Variants in KIF5C observed in about 807,000 individuals in gnomAD.
The protein encoded by KIF5C is kinesin family member 5C, also known as kinesin heavy chain isoform 5C.
A neutral mutation model predicts 125.2 loss-of-function variants in KIF5C; 18 were observed. The observed-to-expected ratio is 0.14, with a 90% CI of 0.10 to 0.21. The LOEUF is 0.21. Among genes scored for constraint, KIF5C ranks in the 10% least tolerant of loss-of-function variants. KIF5C has a pLI of 1.00. For synonymous variants in KIF5C, 405 were observed against 434.0 expected, an observed-to-expected ratio of 0.93 and a Z score of 0.83; for missense variants, 780 against 1,183.8, an observed-to-expected ratio of 0.66 and a Z score of 5.01.
chr2:148,926,272 G>C (rs534159100), intron 2 of KIF5C, among the ~76,000 whole-genome samples: 1 of 152,328 alleles, frequency 6.6e-6, no homozygotes, highest in Non-Finnish European at 1.5e-5. Context: ...CTGGGCACCT[G>C]CAGTGGAAGC....
chr2:148,875,528 G>T lies in KIF5C; in HGVS notation c.-90G>T. 8.9e-7 allele frequency: 1 copy of T among 1,119,574 alleles called. No homozygotes were observed. 69.4% of individuals were successfully genotyped at this position (1,119,574 alleles called of 1,614,324 possible). On this transcript the variant is annotated 5_prime_UTR_variant, in exon 1 of 26. Transcript: ENST00000435030. ...GGAGGCTGCAGGAGGCGGCCTAGCT[G>T]TGGGCGGTGCAGCTCGCGGCCTCCT... is the stretch of plus-strand genomic sequence containing the variant.
chr2:149,017,521 A>C (rs1682399669), intron 25 of KIF5C, among the ~76,000 whole-genome samples: 1 of 152,182 alleles, frequency 6.6e-6, no homozygotes, highest in African/African-American at 2.4e-5. Flanking sequence ...CTGGAGATCC[A>C]CTTCCTTTCC....
At chr2:148,904,065 C>A (rs116331598) in intron 1 of KIF5C, among the ~76,000 whole-genome samples, 2,043 of 152,246 alleles carry the variant, frequency 0.013, 25 homozygotes, top group Middle Eastern at 0.048. Context: ...AAGACTTGAA[C>A]CTTCTTAGCA....
chr2:148,907,596 G>A (rs1681163215), intron 1 of KIF5C, among the ~76,000 whole-genome samples: 1 of 152,208 alleles, frequency 6.6e-6, no homozygotes, highest in Non-Finnish European at 1.5e-5. Context: ...GGAAGAAAAG[G>A]GAAGTCATTT....
chr2:149,005,884 C>T (rs1389499190), intron 22 of KIF5C, among the ~76,000 whole-genome samples: 4 of 152,178 alleles, frequency 2.6e-5, no homozygotes, highest in East Asian at 1.9e-4. Flanking sequence ...TTATAAAGCA[C>T]GTCAACATCC....
At chr2:148,906,007 A>AC (rs1279685437) in intron 1 of KIF5C, among the ~76,000 whole-genome samples, 1 of 152,076 alleles carries the variant, frequency 6.6e-6, no homozygotes, top group African/African-American at 2.4e-5. Flanking sequence ...CCCACAGGGT[A>AC]CCCCCATGAC....
chr2:148,979,126 C>T (rs1681162235), intron 13 of KIF5C, 136 bp downstream of exon 13: 2 of 1,135,178 alleles, frequency 1.8e-6, no homozygotes, highest in African/African-American at 3.2e-5. Context: ...TGGTAGATGT[C>T]CCTTCACTGC....
chr2:148,972,167 G>A (rs1315119909), intron 11 of KIF5C, among the ~76,000 whole-genome samples: 1 of 152,140 alleles, frequency 6.6e-6, no homozygotes, highest in South Asian at 2.1e-4. Flanking sequence ...TAGCCAGGCT[G>A]GTCTCGAATT....
intron 15 of KIF5C, among the ~76,000 whole-genome samples, chr2:148,986,028 G>A (rs1468025951): frequency 2.0e-5 from 3 of 152,152 alleles, no homozygotes; most frequent in African/African-American, 7.2e-5. Flanking sequence ...TTGGTGTTGA[G>A]CAATAAAATT....
chr2:148,976,227 G>T (rs565153043), intron 12 of KIF5C, among the ~76,000 whole-genome samples: 3 of 147,564 alleles, frequency 2.0e-5, no homozygotes, highest in African/African-American at 7.6e-5. Flanking sequence ...CATTTATAAG[G>T]GTGTGCATAT....
chr2:148,983,744 T>C lies in KIF5C; in HGVS notation c.1694T>C (p.Ile565Thr), dbSNP rs1354099219. Residue 565 changes from isoleucine to threonine, a missense_variant, in exon 15 of 26, where the codon ATT becomes ACT. This residue lies in a region of KIF5C where 573 missense variants were observed against 742.6 expected (regional missense o/e 0.77). Transcript: ENST00000435030. Reference protein sequence around the residue: ...LKDLGEIGGIIGTNDVKTLAD... With the variant: ...LKDLGEIGGITGTNDVKTLAD... ...GATCTGGGGGAGATAGGTGGAATTA[T>C]TGGCACCAATGATGTGAAAACTGTA... The C allele has an allele frequency of 1.9e-6, 3 of 1,609,174 alleles. No homozygotes were observed. In the African/African-American group the frequency reaches 4.0e-5, roughly 22 times the overall value.
intron 11 of KIF5C, among the ~76,000 whole-genome samples, chr2:148,966,259 T>G (rs1683046441): frequency 6.6e-6 from 1 of 152,138 alleles, no homozygotes; most frequent in Non-Finnish European, 1.5e-5. Flanking sequence ...ATTTCTTTCT[T>G]TGCATGGTAT....
chr2:148,963,639 A>C (rs1366295940), intron 11 of KIF5C, among the ~76,000 whole-genome samples: 1 of 152,178 alleles, frequency 6.6e-6, no homozygotes, highest in East Asian at 1.9e-4. Context: ...AGTCGGGAGC[A>C]GTAGTTGGCA....
intron 3 of KIF5C, among the ~76,000 whole-genome samples, chr2:148,933,448 AC>A (rs1293081730): frequency 3.6e-4 from 53 of 147,714 alleles, no homozygotes; most frequent in African/African-American, 4.8e-4. Context: ...ACCACATTCC[AC>A]CCCCCCCACA....
chr2:148,943,540 G>A (rs1424997226), intron 7 of KIF5C, among the ~76,000 whole-genome samples: 1 of 152,114 alleles, frequency 6.6e-6, no homozygotes. Flanking sequence ...ATATCTTACC[G>A]TGTTGAAGGT....
At chr2:148,970,932 G>A (rs556699805) in intron 11 of KIF5C, among the ~76,000 whole-genome samples, 1 of 152,278 alleles carries the variant, frequency 6.6e-6, no homozygotes, top group South Asian at 2.1e-4. Flanking sequence ...GAGTGAGTTG[G>A]CCTGTGGATA....
chr2:148,909,245 G>A (rs1012257891), intron 1 of KIF5C, among the ~76,000 whole-genome samples: 9 of 152,092 alleles, frequency 5.9e-5, no homozygotes, highest in South Asian at 2.1e-4. Flanking sequence ...AGCAGACCAC[G>A]TGCTTCCCAG....
At chr2:148,941,718 A>C in intron 5 of KIF5C, 60 bp downstream of exon 5, 1 of 1,539,604 alleles carries the variant, frequency 6.5e-7, no homozygotes, top group South Asian at 1.2e-5. Context: ...GGGAGGTTGA[A>C]ATGGTTTATC....
chr2:148,906,008 C>T (rs1012226540), intron 1 of KIF5C, among the ~76,000 whole-genome samples: 1 of 152,120 alleles, frequency 6.6e-6, no homozygotes, highest in African/African-American at 2.4e-5. Context: ...CCACAGGGTA[C>T]CCCCATGACA....
Sources: gnomAD v4.1 joint callset for allele counts (sites outside exome capture counted in the v4.1 genomes callset) on GRCh38, gnomAD v4.1.1 for gene constraint, gnomAD v4.1.1 regional missense constraint, MANE v1.5 for transcripts, NCBI Gene and HGNC (gene_info 2026-07-23, HGNC 2026-07-21) for gene names.